GLDC: variants seen among roughly 807,000 people sequenced by gnomAD.
GLDC encodes glycine dehydrogenase (decarboxylating), mitochondrial.
A neutral mutation model predicts 121.3 loss-of-function variants in GLDC; 104 were observed. The ratio of observed to expected loss-of-function variants is 0.86; its 90% confidence interval spans 0.73 to 1.01. The LOEUF (loss-of-function observed/expected upper bound fraction) is 1.01, where lower values mean the gene tolerates loss of function less well. Among genes scored for constraint, GLDC ranks in the 50% least tolerant of loss-of-function variants. The pLI is 0.00. For synonymous variants in GLDC, 546 were observed against 480.6 expected, an observed-to-expected ratio of 1.14 and a Z score of -1.78; for missense variants, 1,429 against 1,306.6, an observed-to-expected ratio of 1.09 and a Z score of -1.44.
At chr9:6,593,087 C>A in intron 9 of GLDC, 97 bp from the exon 10 acceptor site, 3 of 1,325,202 alleles carry the variant, frequency 2.3e-6, no homozygotes, top group African/African-American at 1.4e-5. Context: ...TTCTACTAGA[C>A]TCTTGTTGGT....
intron 3 of GLDC, 100 bp from the exon 4 acceptor site, chr9:6,610,456 T>TCAAGATAGGCAA: frequency 8.5e-7 from 1 of 1,174,316 alleles, no homozygotes; most frequent in Non-Finnish European, 1.3e-6. Context: ...ATAATTTGCC[T>TCAAGATAGGCAA]ATCTTGAGGA....
intron 3 of GLDC, among the ~76,000 whole-genome samples, chr9:6,619,141 T>G (rs1285437972): frequency 1.2e-5 from 1 of 82,912 alleles, no homozygotes; most frequent in African/African-American, 5.9e-5. Flanking sequence ...AGACTCTGTC[T>G]CAGGCAAAAA....
intron 21 of GLDC, among the ~76,000 whole-genome samples, chr9:6,545,546 T>C (rs772451437): frequency 5.9e-5 from 9 of 152,228 alleles, no homozygotes; most frequent in Non-Finnish European, 1.3e-4. Flanking sequence ...CATTCCTGTA[T>C]ACTACCATAG....
chr9:6,628,425 C>T (rs960168398), intron 2 of GLDC, among the ~76,000 whole-genome samples: 1 of 152,178 alleles, frequency 6.6e-6, no homozygotes, highest in Admixed American at 6.5e-5. Context: ...AAGCCTAATT[C>T]CTGAACATGA....
intron 3 of GLDC, among the ~76,000 whole-genome samples, chr9:6,614,977 C>T (rs1406822362): frequency 6.6e-6 from 1 of 152,164 alleles, no homozygotes; most frequent in African/African-American, 2.4e-5. Flanking sequence ...TACAGAATTA[C>T]AATTTTATGA....
chr9:6,563,708 C>T (rs149191129), intron 16 of GLDC, among the ~76,000 whole-genome samples: 116 of 152,358 alleles, frequency 7.6e-4, no homozygotes, highest in Middle Eastern at 3.4e-3. Flanking sequence ...AATGAACAAA[C>T]TGTGGGGGAA....
chr9:6,535,893 G>A (rs1324540912), intron 23 of GLDC, 171 bp downstream of exon 23: 10 of 671,412 alleles, frequency 1.5e-5, no homozygotes, highest in Non-Finnish European at 2.7e-5. Context: ...CTGCTATGCT[G>A]TTCAAGACGA....
At chr9:6,631,419 G>A (rs1022605468) in intron 2 of GLDC, among the ~76,000 whole-genome samples, 20 of 152,208 alleles carry the variant, frequency 1.3e-4, no homozygotes, top group African/African-American at 4.8e-4. Flanking sequence ...AACATTCACT[G>A]TGGGGAGTGG....
intron 16 of GLDC, among the ~76,000 whole-genome samples, chr9:6,562,218 G>C (rs1285276279): frequency 6.6e-6 from 1 of 152,176 alleles, no homozygotes; most frequent in Non-Finnish European, 1.5e-5. Context: ...AAATAAATTT[G>C]TATTCTCCCA....
intron 2 of GLDC, among the ~76,000 whole-genome samples, chr9:6,642,733 A>T (rs756388047): frequency 1.3e-5 from 2 of 152,080 alleles, no homozygotes; most frequent in Non-Finnish European, 2.9e-5. Flanking sequence ...TTTATTTTAG[A>T]GTATATATAT....
chr9:6,636,741 C>G (rs1389411460), intron 2 of GLDC, among the ~76,000 whole-genome samples: 1 of 152,106 alleles, frequency 6.6e-6, no homozygotes, highest in African/African-American at 2.4e-5. Context: ...CACCACTGCA[C>G]TCCAGCCTGG....
chr9:6,633,501 A>G (rs899817133), intron 2 of GLDC, among the ~76,000 whole-genome samples: 2 of 152,032 alleles, frequency 1.3e-5, no homozygotes, highest in African/African-American at 2.4e-5. Flanking sequence ...GCAAGACCCA[A>G]TCTCTTCTTC....
intron 11 of GLDC, among the ~76,000 whole-genome samples, chr9:6,590,326 C>T (rs1030964175): frequency 3.3e-5 from 5 of 152,086 alleles, no homozygotes; most frequent in African/African-American, 1.2e-4. Context: ...GCTTGATCCT[C>T]ATTCCTTGCC....
At chr9:6,555,959 C>T (rs1817620606) in intron 18 of GLDC, among the ~76,000 whole-genome samples, 194 bp downstream of exon 18, 1 of 152,206 alleles carries the variant, frequency 6.6e-6, no homozygotes, top group African/African-American at 2.4e-5. Context: ...TTTGAGCCCC[C>T]ATTTCACAGC....
intron 11 of GLDC, among the ~76,000 whole-genome samples, chr9:6,590,307 C>T (rs999532920): frequency 2.0e-5 from 3 of 151,986 alleles, no homozygotes; most frequent in African/African-American, 7.3e-5. Flanking sequence ...AATATATAAT[C>T]AATACATGGC....
chr9:6,619,737 G>A (rs1819044164), intron 3 of GLDC, among the ~76,000 whole-genome samples: 1 of 152,072 alleles, frequency 6.6e-6, no homozygotes, highest in Admixed American at 6.6e-5. Context: ...GGGCAGGGTG[G>A]TAGGCGGGGA....
At chr9:6,558,411 AGGGGT>A in intron 17 of GLDC, 143 bp downstream of exon 17, 2 of 867,958 alleles carry the variant, frequency 2.3e-6, no homozygotes, top group Non-Finnish European at 3.9e-6. Flanking sequence ...TGGTGATGGG[AGGGGT>A]AGAGTAGACT....
intron 8 of GLDC, among the ~76,000 whole-genome samples, chr9:6,598,902 C>T (rs1818542834): frequency 6.6e-6 from 1 of 152,134 alleles, no homozygotes; most frequent in Non-Finnish European, 1.5e-5. Flanking sequence ...AACATAAGGC[C>T]GGGCACAATG....
intron 17 of GLDC, among the ~76,000 whole-genome samples, chr9:6,556,857 T>A (rs1367600533): frequency 3.3e-5 from 5 of 151,932 alleles, no homozygotes; most frequent in African/African-American, 1.2e-4. Context: ...GTCTCTATGG[T>A]CCAGACCAAA....
Sources: allele counts gnomAD v4.1 joint callset (sites outside exome capture counted in the v4.1 genomes callset), GRCh38; gene constraint gnomAD v4.1.1; transcripts MANE v1.5; gene names NCBI Gene and HGNC (gene_info 2026-07-23, HGNC 2026-07-21).